The following SLC1A5 variants were observed in gnomAD, a reference collection of about 807,000 sequenced individuals.
SLC1A5 encodes the protein solute carrier family 1 member 5.
A neutral mutation model predicts 34.9 loss-of-function variants in SLC1A5; 25 were observed. That is an observed-to-expected ratio of 0.72 (90% CI 0.52 to 1.00). SLC1A5 has a LOEUF of 1.00. Ranked by LOEUF, SLC1A5 falls within the 50% of genes least tolerant of loss-of-function variation. SLC1A5 has a pLI of 0.00. For synonymous variants in SLC1A5, 351 were observed against 341.2 expected (o/e 1.03, Z -0.32); for missense variants, 637 against 740.0 (o/e 0.86, Z 1.61).
intron 5 of SLC1A5, 67 bp from the exon 6 acceptor site, chr19:46,777,472 C>T: frequency 6.8e-7 from 1 of 1,471,902 alleles, no homozygotes; most frequent in South Asian, 1.3e-5. Context: ...CCTCCAGGTC[C>T]AGCCCAGGTG....
chr19:46,778,916 G>A lies in SLC1A5; in HGVS notation c.825-8C>T. On this transcript the variant is annotated splice_polypyrimidine_tract_variant and splice_region_variant and intron_variant, in intron 4 of 7. Coordinates refer to ENST00000542575, the MANE Select transcript of SLC1A5 (RefSeq NM_005628.3). ...ATGCCCACAGGGGCGTACCTGATCA[G>A]TAACACAGGAGACAGCTTGTTGCCT... The A allele has an allele frequency of 6.5e-7, 1 of 1,541,654 alleles. No individual in the cohort carries two copies. Among genetic ancestry groups the A allele is most frequent in the Non-Finnish European group, 8.8e-7 (1 of 1,142,636 alleles).
chr19:46,777,178 C>T (rs1313286309), intron 6 of SLC1A5, 33 bp downstream of exon 6: 1 of 1,601,620 alleles, frequency 6.2e-7, no homozygotes, highest in Non-Finnish European at 8.5e-7. Context: ...AACAGGGGTC[C>T]GGGGGTCCCA....
chr19:46,786,552 G>A (rs149167578), intron 1 of SLC1A5, among the ~76,000 whole-genome samples: 1 of 152,320 alleles, frequency 6.6e-6, no homozygotes, highest in African/African-American at 2.4e-5. Flanking sequence ...AGAGGCTGGA[G>A]AACCCTGTTC....
At chr19:46,778,609 A>T in intron 5 of SLC1A5, 66 bp downstream of exon 5, 1 of 1,207,450 alleles carries the variant, frequency 8.3e-7, no homozygotes, top group African/African-American at 1.5e-5. Context: ...GGGCAGAGAA[A>T]ATTTCATCCG....
Position 46,778,738 on chromosome 19 carries a change from T to A in SLC1A5, c.995A>T (p.Asn332Ile). The change falls in exon 5 of 8, where the codon AAC becomes ATC. Residue 332 changes from asparagine to isoleucine, a missense_variant. Physicochemically the swap from Asn to Ile is moderately radical, Grantham distance 149 (BLOSUM62 -3). Transcript: ENST00000542575. ...PLIYFLFTRK[N>I]PYRFLWGIVT... is the part of the protein sequence containing the mutation. ...GATGCCCCACAGGAAGCGGTAGGGGTTTTTGCGGGTGAAGAGGAAGTAGAT... is the reference window on the plus strand; with the variant it reads ...GATGCCCCACAGGAAGCGGTAGGGGATTTTGCGGGTGAAGAGGAAGTAGAT... 1.3e-6 allele frequency: 2 copies of A among 1,483,600 alleles called. No homozygotes were observed. The highest frequency in any genetic ancestry group is 1.9e-4 in the Middle Eastern group (1 of 5,386). 91.9% of individuals were successfully genotyped at this position (1,483,600 alleles called of 1,614,324 possible). A position where few individuals can be genotyped will look rare whatever the true frequency, so the allele number is the denominator to read the frequency against.
In SLC1A5 at chr19:46,784,053, A is replaced by G. The variant is rs1438692994; in HGVS notation, c.657+44T>C. On this transcript the variant is annotated intron_variant, in intron 3 of 7. Transcript: ENST00000542575. Reference sequence around the variant, plus strand: ...GAAATAAAACCAAAAAATTATAGCAATAGGCAAAGAGGTAGAGCCCCCGCT... The same window carrying G: ...GAAATAAAACCAAAAAATTATAGCAGTAGGCAAAGAGGTAGAGCCCCCGCT... 2.0e-6 allele frequency: 3 copies of G among 1,525,548 alleles called. No individual in the cohort carries two copies. The South Asian group carries it at 3.4e-5, about 17-fold the overall frequency. The allele number at this position is 1,525,548 out of a possible 1,614,324, so 94.5% of individuals were successfully genotyped here. A position where few individuals can be genotyped will look rare whatever the true frequency, so the allele number is the denominator to read the frequency against.
chr19:46,788,572 T>TCC lies in SLC1A5; in HGVS notation c.-609_-608dup, dbSNP rs2055203340. On this transcript the variant is annotated 5_prime_UTR_variant, in exon 1 of 8. Transcript: ENST00000542575. ...TAGCGGTTACCAGCCAGAGAAAGCC[T>TCC]CCCGGGCGTGCCGCGTGGCTCTGAG... 1 of 152,328 alleles carries TCC rather than the reference T, an allele frequency of 6.6e-6. No individual in the cohort carries two copies. The highest frequency in any genetic ancestry group is 1.5e-5 in the Non-Finnish European group (1 of 68,224). The allele number at this position is 152,328 out of a possible 1,614,324, so 9.4% of individuals were successfully genotyped here.
At chr19:46,786,235 C>T (rs1316300531) in intron 1 of SLC1A5, among the ~76,000 whole-genome samples, 3 of 152,136 alleles carry the variant, frequency 2.0e-5, no homozygotes, top group Middle Eastern at 3.2e-3. Flanking sequence ...GGTATCTGGC[C>T]ATGTGTTTGT....
Position 46,787,702 on chromosome 19 carries a change from G to T in SLC1A5, c.264C>A (p.Ala88=). 1 of 1,585,056 alleles carries T rather than the reference G, an allele frequency of 6.3e-7. No individual in the cohort carries two copies. The highest frequency in any genetic ancestry group is 2.3e-5 in the East Asian group (1 of 44,042). Residue 88 remains alanine (A), a synonymous_variant, in exon 1 of 8, where the codon GCC becomes GCA. Coordinates refer to ENST00000542575, the MANE Select transcript of SLC1A5 (RefSeq NM_005628.3). The surrounding 1 kb of genome is among the most constrained non-coding windows in gnomAD (Gnocchi z 5.2). ...ALALGPERLS[A]FVFPGELLLR... ...GCAGCAGCTCGCCCGGGAAGACGAA[G>T]GCGCTCAAGCGCTCCGGGCCCAACG...
chr19:46,784,912 G>T, intron 1 of SLC1A5: 1 of 1,253,816 alleles, frequency 8.0e-7, no homozygotes, highest in Non-Finnish European at 1.0e-6. Context: ...GCTTGCATCA[G>T]CCACTTCCTC....
Position 46,787,080 on chromosome 19 carries a change from G to A in SLC1A5, c.566+320C>T, listed in dbSNP as rs1044961979. The stretch of plus-strand genomic sequence containing the variant: ...CCTTGACCACGCAAAGATTCCCCCC[G>A]CAAAAGTTCCTCCTGGGGTCCCCTC... On this transcript the variant is annotated intron_variant, in intron 1 of 7. Transcript: ENST00000542575. This position sits in a 1 kb window ranked among gnomAD's most constrained non-coding sequence, Gnocchi z 5.2. Among the ~76,000 whole-genome samples, 9 of 151,870 alleles carry A rather than the reference G, an allele frequency of 5.9e-5. No homozygotes were observed. The highest frequency in any genetic ancestry group is 1.3e-4 in the Non-Finnish European group (9 of 67,972).
Position 46,778,782 on chromosome 19 carries a change from C to T in SLC1A5, c.951G>A (p.Gly317=). ...LCCLLGHAIH[G]LLVLPLIYFL... ...AGTAGATGAGGGGCAGTACCAGGAGCCCATGGATGGCGTGACCCAGCAGGC... is the reference window on the plus strand; with the variant it reads ...AGTAGATGAGGGGCAGTACCAGGAGTCCATGGATGGCGTGACCCAGCAGGC... The change falls in exon 5 of 8, where the codon GGG becomes GGA. Residue 317 remains glycine (G), a synonymous_variant. Transcript: ENST00000542575. 1 of 1,613,844 alleles carries T rather than the reference C, an allele frequency of 6.2e-7. No individual in the cohort carries two copies. The highest frequency in any genetic ancestry group is 8.5e-7 in the Non-Finnish European group (1 of 1,179,876).
In SLC1A5 at chr19:46,775,623, G is replaced by A. The variant is rs1268392976; in HGVS notation, c.1513C>T (p.Leu505=). The part of the protein sequence containing the change: ...EPELIQVKSE[L]PLDPLPVPTE... Reference sequence around the variant, plus strand: ...GGGACTGGCAGCGGATCCAGGGGCAGCTCACTCTTCACTTGTATCAACTCA... The same window carrying A: ...GGGACTGGCAGCGGATCCAGGGGCAACTCACTCTTCACTTGTATCAACTCA... Residue 505 remains leucine, a synonymous_variant, in exon 8 of 8, where the codon CTG becomes TTG. Transcript: ENST00000542575. 2 of 1,614,164 alleles carry A rather than the reference G, an allele frequency of 1.2e-6. No homozygotes were observed.
In SLC1A5 at chr19:46,775,554, C is replaced by T. The variant is rs780059741; in HGVS notation, c.1582G>A (p.Ala528Thr). The change falls in exon 8 of 8, where the codon GCA becomes ACA. Residue 528 changes from alanine to threonine, a missense_variant. Coordinates refer to ENST00000542575, the MANE Select transcript of SLC1A5 (RefSeq NM_005628.3). ...NPLLKHYRGP[A>T]GDATVASEKE... ...TCAGAGGCGACCGTGGCATCCCCTG[C>T]GGGCCCCCGATAGTGTTTGAGGAGG... is the stretch of plus-strand genomic sequence containing the variant. 2.0e-5 allele frequency: 33 copies of T among 1,613,610 alleles called. No individual in the cohort carries two copies. The highest frequency in any genetic ancestry group is 1.6e-4 in the Middle Eastern group (1 of 6,082).
chr19:46,777,176 T>C, intron 6 of SLC1A5, 35 bp downstream of exon 6: 7 of 1,602,034 alleles, frequency 4.4e-6, no homozygotes, highest in Non-Finnish European at 6.0e-6. Flanking sequence ...TCAACAGGGG[T>C]CCGGGGGTCC....
At chr19:46,775,800 G>A (rs965899411) in intron 7 of SLC1A5, 53 bp from the exon 8 acceptor site, 22 of 1,567,300 alleles carry the variant, frequency 1.4e-5, no homozygotes, top group Non-Finnish European at 1.9e-5. Context: ...GGGTGAGAGG[G>A]AAGGAAAGGG....
At chr19:46,776,165 T>C (rs2055086918) in intron 7 of SLC1A5, among the ~76,000 whole-genome samples, 1 of 151,862 alleles carries the variant, frequency 6.6e-6, no homozygotes, top group African/African-American at 2.4e-5. Context: ...ATATTCAGAC[T>C]TGTGCAACCA....
rs764649011 is a variant in SLC1A5, at chr19:46,775,700, GC to G, written c.1435del (p.Ala479GlnfsTer20). ...GTCCACGTAATTTTGGAGGAGTCCT[GC>G]CCCCAGAGCGTCACCTTCTACATTG... ...VLNVEGDALG[A>X]GLLQNYVDRT... On this transcript the variant is annotated frameshift_variant, in exon 8 of 8. Coordinates refer to ENST00000542575, the MANE Select transcript of SLC1A5 (RefSeq NM_005628.3). LOFTEE classifies it low-confidence loss of function (END_TRUNC). 1 of 1,613,966 alleles carries G rather than the reference GC, an allele frequency of 6.2e-7. No individual in the cohort carries two copies. Among genetic ancestry groups the G allele is most frequent in the Non-Finnish European group, 8.5e-7 (1 of 1,179,932 alleles).
chr19:46,788,004 G>T lies in SLC1A5; in HGVS notation c.-39C>A. The T allele has an allele frequency of 1.3e-6, 2 of 1,494,952 alleles. No individual in the cohort carries two copies. The highest frequency in any genetic ancestry group is 2.7e-5 in the South Asian group (2 of 74,352). The allele number at this position is 1,494,952 out of a possible 1,614,324, so 92.6% of individuals were successfully genotyped here. A position where few individuals can be genotyped will look rare whatever the true frequency, so the allele number is the denominator to read the frequency against. On this transcript the variant is annotated 5_prime_UTR_variant, in exon 1 of 8. Coordinates refer to ENST00000542575, the MANE Select transcript of SLC1A5 (RefSeq NM_005628.3). ...GGGGTTTCTTAGCGCCTGGAAGCTGGCTGGGAGCGCTTGGGCTCCTTCCCA... is the reference window on the plus strand; with the variant it reads ...GGGGTTTCTTAGCGCCTGGAAGCTGTCTGGGAGCGCTTGGGCTCCTTCCCA...
Sources: gnomAD v4.1 joint callset for allele counts (sites outside exome capture counted in the v4.1 genomes callset) on GRCh38, gnomAD v4.1.1 for gene constraint, Gnocchi (gnomAD v3.1) non-coding constraint, MANE v1.5 for transcripts, NCBI Gene and HGNC (gene_info 2026-07-23, HGNC 2026-07-21) for gene names.